PBRM1: variants seen among roughly 807,000 people sequenced by gnomAD.
The protein encoded by PBRM1 is protein polybromo-1.
Under a neutral mutation model 194.5 loss-of-function variants are expected in PBRM1, and 27 were observed. The ratio of observed to expected loss-of-function variants is 0.14; its 90% CI spans 0.10 to 0.19. PBRM1 has a LOEUF of 0.19. Ranked by LOEUF, PBRM1 falls within the 10% of genes least tolerant of loss-of-function variation. The probability of loss-of-function intolerance (pLI) is 1.00; values close to 1 mark genes in which losing one functional copy is unlikely to be tolerated. For missense variants in PBRM1, 1,466 were observed against 2,077.2 expected (o/e 0.71, Z 5.72); for synonymous variants, 655 against 693.2 (o/e 0.94, Z 0.87).
At chr3:52,584,694 G>A (rs141029542) in intron 20 of PBRM1, among the ~76,000 whole-genome samples, 238 of 151,948 alleles carry the variant, frequency 1.6e-3, no homozygotes, top group African/African-American at 5.4e-3. Flanking sequence ...GGACTCAAGC[G>A]ATCCACCTGC....
At chr3:52,612,905 CA>C (rs576855027) in intron 15 of PBRM1, among the ~76,000 whole-genome samples, 190 of 85,366 alleles carry the variant, frequency 2.2e-3, no homozygotes, top group Middle Eastern at 6.4e-3. Flanking sequence ...GAATCCGTCT[CA>C]AAAAAAAAAA....
chr3:52,591,977 C>T (rs377157736), intron 17 of PBRM1, among the ~76,000 whole-genome samples: 7 of 149,762 alleles, frequency 4.7e-5, no homozygotes, highest in African/African-American at 1.2e-4. Flanking sequence ...CAGGTGCCCA[C>T]GACCATGCCC....
At chr3:52,615,296 C>T in intron 15 of PBRM1, 55 bp downstream of exon 17, 1 of 895,096 alleles carries the variant, frequency 1.1e-6, no homozygotes, top group Non-Finnish European at 1.8e-6. Flanking sequence ...TCAGAAAAAT[C>T]AGCAATCTCT....
At chr3:52,564,344 T>C in intron 22 of PBRM1, 111 bp from the exon 25 acceptor site, 1 of 813,322 alleles carries the variant, frequency 1.2e-6, no homozygotes, top group South Asian at 1.6e-5. Context: ...TTAACAATTT[T>C]AAAGATATGA....
In PBRM1 at chr3:52,654,748, T is replaced by G. The variant is rs562234719; in HGVS notation, c.646-2938A>C. Among the ~76,000 whole-genome samples, 6 of 152,182 alleles carry G rather than the reference T, an allele frequency of 3.9e-5. 1 individual carries two copies. Among genetic ancestry groups the G allele is most frequent in the Non-Finnish European group, 1.5e-5 (1 of 67,986 alleles). The stretch of plus-strand genomic sequence containing the variant: ...TCTTGAGCGAAGACAGTACTTCTAT[T>G]TTGTGTGTATGTGTGCATGTGTGAA... On this transcript the variant is annotated intron_variant, in intron 5 of 29. Transcript: ENST00000296302.
At chr3:52,580,106 G>A (rs1347821348) in intron 20 of PBRM1, among the ~76,000 whole-genome samples, 1 of 152,152 alleles carries the variant, frequency 6.6e-6, no homozygotes, top group Non-Finnish European at 1.5e-5. Context: ...TGTCTTTGGT[G>A]ACATGCGCCT....
chr3:52,633,091 T>C (rs961547775), intron 11 of PBRM1, among the ~76,000 whole-genome samples: 1 of 152,132 alleles, frequency 6.6e-6, no homozygotes, highest in African/African-American at 2.4e-5. Context: ...CTAGAACTCT[T>C]TCCATTTTGT....
chr3:52,644,195 T>C (rs184975532), intron 8 of PBRM1, among the ~76,000 whole-genome samples: 1 of 152,014 alleles, frequency 6.6e-6, no homozygotes, highest in Non-Finnish European at 1.5e-5. Context: ...TATATAGTGA[T>C]GTAAAGTTTT....
At chr3:52,566,959 C>T (rs937597971) in intron 22 of PBRM1, among the ~76,000 whole-genome samples, 2 of 151,618 alleles carry the variant, frequency 1.3e-5, no homozygotes, top group Non-Finnish European at 1.5e-5. Context: ...ATCCCAGCTA[C>T]TCAGAAGGCT....
chr3:52,575,061 C>T (rs2088997834), intron 22 of PBRM1, among the ~76,000 whole-genome samples: 1 of 152,024 alleles, frequency 6.6e-6, no homozygotes, highest in Admixed American at 6.6e-5. Context: ...ACCACCACAC[C>T]TGGATAATTT....
chr3:52,565,394 G>C (rs1043539683), intron 22 of PBRM1, among the ~76,000 whole-genome samples: 3 of 151,858 alleles, frequency 2.0e-5, no homozygotes, highest in Admixed American at 2.0e-4. Context: ...TGTAAGCCCA[G>C]CTACTCAGGA....
At chr3:52,670,181 C>T (rs2096918712) in intron 2 of PBRM1, among the ~76,000 whole-genome samples, 1 of 152,138 alleles carries the variant, frequency 6.6e-6, no homozygotes, top group African/African-American at 2.4e-5. Flanking sequence ...ACACTATCCC[C>T]CAGAATCACT....
intron 17 of PBRM1, among the ~76,000 whole-genome samples, chr3:52,592,052 C>G (rs1289336560): frequency 6.8e-6 from 1 of 147,934 alleles, no homozygotes. Context: ...GTCTTGAACT[C>G]CTGACCTTGT....
chr3:52,556,574 C>A (rs1044116775), intron 26 of PBRM1, among the ~76,000 whole-genome samples: 3 of 152,194 alleles, frequency 2.0e-5, no homozygotes. Context: ...AGACATGACA[C>A]TTGTCTTCAT....
rs1258873050 is a variant in PBRM1 at position 52,651,729 on chromosome 3, G to C, written c.714+13C>G. 1 of 1,490,350 alleles carries C rather than the reference G, an allele frequency of 6.7e-7. No homozygotes were observed. Among genetic ancestry groups the C allele is most frequent in the East Asian group, 2.3e-5 (1 of 43,648 alleles). The allele number at this position is 1,490,350 out of a possible 1,614,324, so 92.3% of individuals were successfully genotyped here. A position where few individuals can be genotyped will look rare whatever the true frequency, so the allele number is the denominator to read the frequency against. The stretch of plus-strand genomic sequence containing the variant: ...TCTAAACCACAATCATTTACTTATG[G>C]TCATCTTCATACCTGTATCCTCTGG... On this transcript the variant is annotated intron_variant, in intron 6 of 29. Transcript: ENST00000296302.
chr3:52,602,904 T>A (rs2094106581), intron 17 of PBRM1, among the ~76,000 whole-genome samples: 1 of 152,184 alleles, frequency 6.6e-6, no homozygotes, highest in Non-Finnish European at 1.5e-5. Context: ...GGAGGAGATT[T>A]GATGCCAAAG....
intron 29 of PBRM1, among the ~76,000 whole-genome samples, chr3:52,548,717 C>T (rs2080093128): frequency 1.3e-5 from 2 of 152,112 alleles, no homozygotes; most frequent in African/African-American, 4.8e-5. Context: ...TGAGCCACTG[C>T]ACCCGGCCTG....
At chr3:52,627,428 A>T in intron 12 of PBRM1, 58 bp from the exon 14 acceptor site, 2 of 984,558 alleles carry the variant, frequency 2.0e-6, no homozygotes, top group Non-Finnish European at 3.3e-6. Context: ...CTCTGAATAT[A>T]TGAATGTTAA....
intron 20 of PBRM1, among the ~76,000 whole-genome samples, chr3:52,583,253 T>C (rs1309462807): frequency 2.0e-5 from 3 of 151,342 alleles, no homozygotes; most frequent in African/African-American, 7.3e-5. Flanking sequence ...CTACTAAAAA[T>C]ACAAAAATTA....
Sources: allele counts gnomAD v4.1 joint callset (sites outside exome capture counted in the v4.1 genomes callset), GRCh38; gene constraint gnomAD v4.1.1; transcripts MANE v1.5; gene names NCBI Gene and HGNC (gene_info 2026-07-23, HGNC 2026-07-21).